The following LMO7 variants were observed in gnomAD, a reference collection of about 807,000 sequenced individuals.
LMO7 encodes LIM domain only protein 7.
Under a neutral mutation model 206.5 loss-of-function variants are expected in LMO7, and 120 were observed. The observed-to-expected ratio is 0.58, with a 90% confidence interval of 0.50 to 0.68. The LOEUF (loss-of-function observed/expected upper bound fraction) is 0.68. LMO7 is among the 30% of genes least tolerant of loss of function. The pLI, the probability that LMO7 is intolerant of heterozygous loss-of-function variation, is 0.00. For synonymous variants in LMO7, 706 were observed against 681.5 expected (o/e 1.04, Z -0.56); for missense variants, 1,959 against 1,957.9 (o/e 1.00, Z -0.01).
At chr13:75,838,074 T>A in intron 19 of LMO7, 66 bp from the exon 20 acceptor site, 2 of 898,780 alleles carry the variant, frequency 2.2e-6, no homozygotes, top group Non-Finnish European at 3.7e-6. Flanking sequence ...ATATCAAGTA[T>A]CGTTTAATTT....
chr13:75,714,797 A>G (rs1247941518), intron 2 of LMO7, among the ~76,000 whole-genome samples: 3 of 152,130 alleles, frequency 2.0e-5, no homozygotes, highest in Non-Finnish European at 4.4e-5. Flanking sequence ...AATGTACTCT[A>G]GTAATGTTTA....
intron 1 of LMO7, among the ~76,000 whole-genome samples, chr13:75,695,929 A>T (rs1290081930): frequency 6.6e-6 from 1 of 152,162 alleles, no homozygotes; most frequent in Non-Finnish European, 1.5e-5. Flanking sequence ...TTATGTACCT[A>T]GATCTAGCCA....
intron 3 of LMO7, among the ~76,000 whole-genome samples, chr13:75,731,628 C>T (rs1056760200): frequency 3.3e-5 from 5 of 151,886 alleles, no homozygotes; most frequent in Non-Finnish European, 7.4e-5. Flanking sequence ...AGTCCATTTA[C>T]ATTTAAAGTT....
At chr13:75,733,998 C>T (rs895070224) in intron 3 of LMO7, among the ~76,000 whole-genome samples, 5 of 152,212 alleles carry the variant, frequency 3.3e-5, no homozygotes, top group Non-Finnish European at 7.3e-5. Context: ...GTGCATTACC[C>T]TCAGCCAGCA....
intron 3 of LMO7, among the ~76,000 whole-genome samples, chr13:75,754,943 T>C (rs562041491): frequency 6.6e-6 from 1 of 152,350 alleles, no homozygotes; most frequent in South Asian, 2.1e-4. Flanking sequence ...AAGTGTATAA[T>C]TGTGTTTGTT....
intron 1 of LMO7, among the ~76,000 whole-genome samples, chr13:75,666,932 T>C (rs2039124767): frequency 1.3e-5 from 2 of 152,124 alleles, no homozygotes; most frequent in Non-Finnish European, 2.9e-5. Context: ...ATGTGGTGGC[T>C]CAAATAGATC....
At chr13:75,779,695 A>G (rs549929868) in intron 4 of LMO7, among the ~76,000 whole-genome samples, 2 of 152,316 alleles carry the variant, frequency 1.3e-5, no homozygotes, top group East Asian at 1.9e-4. Context: ...AAGGATAGCT[A>G]TGTAAATGGA....
intron 26 of LMO7, among the ~76,000 whole-genome samples, chr13:75,848,314 T>C (rs2060156302): frequency 6.6e-6 from 1 of 152,214 alleles, no homozygotes; most frequent in Non-Finnish European, 1.5e-5. Flanking sequence ...GAACATACGA[T>C]GTTTGGTTTT....
intron 1 of LMO7, among the ~76,000 whole-genome samples, chr13:75,641,385 G>A (rs1160648912): frequency 6.6e-6 from 1 of 152,210 alleles, no homozygotes; most frequent in Non-Finnish European, 1.5e-5. Flanking sequence ...CCTTACTGAG[G>A]TAACGTTTTA....
At position 75,840,384 on chromosome 13, in the gene LMO7, T is replaced by C; in HGVS notation, c.3478-7T>C. ...CTATTTGCATCTCTTCTCTGATAAC[T>C]GGTTAGCTTCCAGTTCCAACCATCA... is the stretch of plus-strand genomic sequence containing the variant. On this transcript the variant is annotated splice_region_variant and splice_polypyrimidine_tract_variant and intron_variant, in intron 21 of 30. Transcript: ENST00000377534. 1 of 1,613,990 alleles carries C rather than the reference T, an allele frequency of 6.2e-7. No homozygotes were observed. Among genetic ancestry groups the C allele is most frequent in the Non-Finnish European group, 8.5e-7 (1 of 1,179,924 alleles).
intron 4 of LMO7, among the ~76,000 whole-genome samples, chr13:75,775,673 A>G (rs758230679): frequency 6.6e-5 from 10 of 152,248 alleles, no homozygotes; most frequent in Non-Finnish European, 1.2e-4. Flanking sequence ...AAGAGAAGAT[A>G]TGTAAGTGGC....
At chr13:75,664,651 G>A (rs112004286) in intron 1 of LMO7, among the ~76,000 whole-genome samples, 1 of 152,148 alleles carries the variant, frequency 6.6e-6, no homozygotes, top group African/African-American at 2.4e-5. Flanking sequence ...TCCACCAACA[G>A]TGTATGAGGG....
intron 1 of LMO7, among the ~76,000 whole-genome samples, chr13:75,712,225 C>T (rs529663438): frequency 2.6e-5 from 4 of 152,262 alleles, no homozygotes; most frequent in African/African-American, 9.6e-5. Context: ...CTTTCCAGTT[C>T]AGGATATCAG....
intron 1 of LMO7, chr13:75,621,921 C>T: frequency 1.5e-6 from 2 of 1,323,904 alleles, no homozygotes; most frequent in Admixed American, 2.5e-5. Context: ...AGAACTAAGG[C>T]AGAGCATCTC....
At position 75,787,159 on chromosome 13, in the gene LMO7, G is replaced by A. The variant is rs151111887; in HGVS notation, c.318-8242G>A. Among the ~76,000 whole-genome samples, 172 of 152,252 alleles carry A rather than the reference G, an allele frequency of 1.1e-3. 4 individuals are homozygous for A. The East Asian group carries it at 0.03, about 26-fold the overall frequency. ...CCATTTAATAAACAGATCATACATA[G>A]TGGATACTAAATTCTGTATTCAGTA... is the stretch of plus-strand genomic sequence containing the variant. On this transcript the variant is annotated intron_variant, in intron 4 of 30. Transcript: ENST00000377534.
At chr13:75,685,306 G>A (rs9530462) in intron 1 of LMO7, among the ~76,000 whole-genome samples, 62,482 of 152,016 alleles carry the variant, frequency 0.41, 14,019 homozygotes, top group Middle Eastern at 0.53. Flanking sequence ...GCTGGCCTCT[G>A]GGAATGAGGC....
chr13:75,620,705 T>C (rs1377841765), exon 1 of LMO7: 1 of 152,178 alleles, frequency 6.6e-6, no homozygotes, highest in Non-Finnish European at 1.5e-5. Flanking sequence ...AGTTTGGAGA[T>C]CTCATCTGAT....
chr13:75,728,511 G>C (rs1304095705), intron 3 of LMO7, among the ~76,000 whole-genome samples: 1 of 145,370 alleles, frequency 6.9e-6, no homozygotes, highest in Non-Finnish European at 1.5e-5. Context: ...GTTCATTGTA[G>C]ATTCTGGATA....
intron 9 of LMO7, chr13:75,806,363 C>A: frequency 4.0e-6 from 2 of 501,924 alleles, no homozygotes; most frequent in African/African-American, 2.1e-5. Context: ...TGCACTGAAT[C>A]AGGAAACCTG....
Sources: allele counts gnomAD v4.1 joint callset (sites outside exome capture counted in the v4.1 genomes callset), GRCh38; gene constraint gnomAD v4.1.1; transcripts MANE v1.5; gene names NCBI Gene and HGNC (gene_info 2026-07-23, HGNC 2026-07-21).